The following DSCAML1 variants were observed in gnomAD, a reference collection of about 807,000 sequenced individuals.
DSCAML1 encodes the protein cell adhesion molecule DSCAML1.
In DSCAML1, 38 loss-of-function variants were observed where a neutral mutation model predicts 200.5. The ratio of observed to expected loss-of-function variants is 0.19; its 90% confidence interval spans 0.15 to 0.25. The LOEUF is 0.25. Ranked by LOEUF, DSCAML1 falls within the 10% of genes least tolerant of loss-of-function variation. The pLI, the probability that DSCAML1 is intolerant of heterozygous loss-of-function variation, is 1.00. For synonymous variants in DSCAML1, 1,215 were observed against 1,165.0 expected (o/e 1.04, Z -0.87); for missense variants, 2,223 against 2,858.8 (o/e 0.78, Z 5.07).
At chr11:117,470,728 TA>T (rs2048669451) in intron 15 of DSCAML1, among the ~76,000 whole-genome samples, 1 of 152,240 alleles carries the variant, frequency 6.6e-6, no homozygotes, top group Non-Finnish European at 1.5e-5. Flanking sequence ...ACAAACAATC[TA>T]AATGTCCATC....
At chr11:117,649,041 A>ATATGTGTGTG (rs768621807) in intron 3 of DSCAML1, among the ~76,000 whole-genome samples, 16 of 137,930 alleles carry the variant, frequency 1.2e-4, no homozygotes, top group African/African-American at 4.6e-4. Context: ...CTCCATATAT[A>ATATGTGTGTG]TGTGTGTGTG....
chr11:117,488,806 G>A (rs2049132564), intron 11 of DSCAML1, among the ~76,000 whole-genome samples: 1 of 152,186 alleles, frequency 6.6e-6, no homozygotes, highest in Non-Finnish European at 1.5e-5. Flanking sequence ...CTTTTATTGG[G>A]TGCTTACCAT....
At chr11:117,461,221 C>T (rs1246257753) in intron 18 of DSCAML1, among the ~76,000 whole-genome samples, 1 of 151,506 alleles carries the variant, frequency 6.6e-6, no homozygotes, top group African/African-American at 2.4e-5. Context: ...CTGGCTCTGA[C>T]CCCAGTTGAA....
At chr11:117,539,151 C>T (rs1310213225) in intron 3 of DSCAML1, among the ~76,000 whole-genome samples, 7 of 152,166 alleles carry the variant, frequency 4.6e-5, no homozygotes, top group East Asian at 1.9e-4. Context: ...ATTTCACTCA[C>T]GAGGAAACTG....
intron 5 of DSCAML1, among the ~76,000 whole-genome samples, chr11:117,524,477 C>G (rs2049938925): frequency 6.6e-6 from 1 of 152,250 alleles, no homozygotes; most frequent in Admixed American, 6.5e-5. Context: ...CCATCACCCT[C>G]CTCATCCCAC....
At chr11:117,517,712 C>T (rs1455018791) in intron 7 of DSCAML1, among the ~76,000 whole-genome samples, 1 of 152,238 alleles carries the variant, frequency 6.6e-6, no homozygotes, top group Non-Finnish European at 1.5e-5. Flanking sequence ...TGTCCCCCTG[C>T]TCCTCTGCCC....
At chr11:117,464,351 C>A (rs1413884435) in intron 17 of DSCAML1, among the ~76,000 whole-genome samples, 1 of 152,176 alleles carries the variant, frequency 6.6e-6, no homozygotes, top group Non-Finnish European at 1.5e-5. Flanking sequence ...CTTCTCTGTG[C>A]TTGGAGTGCA....
chr11:117,453,955 GC>G (rs1277535785), intron 19 of DSCAML1, among the ~76,000 whole-genome samples: 2 of 151,952 alleles, frequency 1.3e-5, no homozygotes, highest in Non-Finnish European at 2.9e-5. Context: ...TGTTGGCCAG[GC>G]TGGTCTTGAA....
rs1555194713 is a variant in DSCAML1 at position 117,650,704 on chromosome 11, T to TGTGC, written c.512-118183_512-118182insGCAC. Among the ~76,000 whole-genome samples the TGTGC allele has an allele frequency of 7.0e-5, 10 of 142,566 alleles. No individual in the cohort carries two copies. In the East Asian group the frequency reaches 1.8e-3, roughly 26 times the overall value. 93.5% of individuals were successfully genotyped at this position (142,566 alleles called of 152,430 possible). On this transcript the variant is annotated intron_variant, in intron 3 of 32. Coordinates refer to ENST00000651296, the MANE Select transcript of DSCAML1 (RefSeq NM_020693.4). The stretch of plus-strand genomic sequence containing the variant: ...GTGTGTGTGTGTGTGTGTGTGTGCG[T>TGTGC]GTGTGTGTGTGGTGGGGATTGGGGT...
intron 3 of DSCAML1, among the ~76,000 whole-genome samples, chr11:117,572,205 G>A (rs2050859106): frequency 6.6e-6 from 1 of 152,144 alleles, no homozygotes. Context: ...CCCTCTCTTG[G>A]GATCTGGATC....
chr11:117,766,808 CTGAGGAGT>C (rs2054905688), intron 3 of DSCAML1, among the ~76,000 whole-genome samples: 1 of 152,148 alleles, frequency 6.6e-6, no homozygotes, highest in East Asian at 1.9e-4. Flanking sequence ...TTCTGCTTGA[CTGAGGAGT>C]GTGGCTGATG....
chr11:117,705,910 T>G (rs2053751361), intron 3 of DSCAML1, among the ~76,000 whole-genome samples: 1 of 152,216 alleles, frequency 6.6e-6, no homozygotes, highest in Non-Finnish European at 1.5e-5. Context: ...TTGCAAGAAG[T>G]GCCTTGTCCA....
intron 3 of DSCAML1, among the ~76,000 whole-genome samples, chr11:117,746,470 A>C (rs1237555666): frequency 6.6e-6 from 1 of 151,750 alleles, no homozygotes; most frequent in Non-Finnish European, 1.5e-5. Flanking sequence ...CTTCTCTTGG[A>C]CCCAGGAGGC....
At chr11:117,651,308 A>G (rs185002926) in intron 3 of DSCAML1, among the ~76,000 whole-genome samples, 205 of 152,330 alleles carry the variant, frequency 1.3e-3, no homozygotes, top group Non-Finnish European at 2.2e-3. Context: ...CACTTTGTCC[A>G]GTGGCCCCAG....
intron 18 of DSCAML1, among the ~76,000 whole-genome samples, chr11:117,461,140 G>T (rs1032741854): frequency 1.7e-4 from 26 of 152,164 alleles, no homozygotes; most frequent in Non-Finnish European, 3.7e-4. Context: ...TGTTGTCCAG[G>T]AGTAGCTAGG....
chr11:117,595,709 C>T (rs147761114), intron 3 of DSCAML1, among the ~76,000 whole-genome samples: 4 of 152,156 alleles, frequency 2.6e-5, no homozygotes, highest in East Asian at 3.9e-4. Context: ...TTATCAATGT[C>T]GCCCATCTCT....
intron 3 of DSCAML1, among the ~76,000 whole-genome samples, chr11:117,541,785 T>A (rs1209488053): frequency 1.3e-5 from 2 of 152,198 alleles, no homozygotes; most frequent in Non-Finnish European, 2.9e-5. Context: ...GACCTCACAC[T>A]TCCCATGGCA....
intron 19 of DSCAML1, among the ~76,000 whole-genome samples, chr11:117,456,996 AG>A (rs2048384028): frequency 6.6e-6 from 1 of 152,140 alleles, no homozygotes; most frequent in African/African-American, 2.4e-5. Context: ...TTTCATTGCC[AG>A]CACCTTGGTA....
At position 117,574,555 on chromosome 11, in the gene DSCAML1, G is replaced by C. The variant is rs551493793; in HGVS notation, c.512-42033C>G. Among the ~76,000 whole-genome samples the C allele has an allele frequency of 2.6e-5, 4 of 152,218 alleles. No homozygotes were observed. The South Asian group carries it at 8.3e-4, about 32-fold the overall frequency. On this transcript the variant is annotated intron_variant, in intron 3 of 32. Coordinates refer to ENST00000651296, the MANE Select transcript of DSCAML1 (RefSeq NM_020693.4). ...CCCTTTAGCATTCACCAGTGGACACGAACTTGGTGACCCTGCACTGTCTCT... is the reference window on the plus strand; with the variant it reads ...CCCTTTAGCATTCACCAGTGGACACCAACTTGGTGACCCTGCACTGTCTCT...
Sources: gnomAD v4.1 joint callset for allele counts (sites outside exome capture counted in the v4.1 genomes callset) on GRCh38, gnomAD v4.1.1 for gene constraint, MANE v1.5 for transcripts, NCBI Gene and HGNC (gene_info 2026-07-23, HGNC 2026-07-21) for gene names.